The following MCC variants were observed in gnomAD, a reference collection of about 807,000 sequenced individuals.
The protein encoded by MCC is MCC regulator of Wnt signaling pathway, also known as colorectal mutant cancer protein.
A neutral mutation model predicts 116.2 loss-of-function variants in MCC; 90 were observed. That is an observed-to-expected ratio of 0.77 (90% confidence interval 0.65 to 0.92). The LOEUF (loss-of-function observed/expected upper bound fraction) is 0.92, where lower values mean the gene tolerates loss of function less well. Ranked by LOEUF, MCC falls within the 40% of genes least tolerant of loss-of-function variation. MCC has a pLI of 0.00. For synonymous variants in MCC, 578 were observed against 510.5 expected (o/e 1.13, Z -1.78); for missense variants, 1,516 against 1,312.2 (o/e 1.16, Z -2.40).
At chr5:113,442,036 T>C (rs2150415959) in intron 1 of MCC, among the ~76,000 whole-genome samples, 1 of 152,344 alleles carries the variant, frequency 6.6e-6, no homozygotes, top group East Asian at 1.9e-4. Context: ...CAAATGGTAT[T>C]TCTAGTTCTA....
At chr5:113,319,331 A>G (rs1254201502) in intron 3 of MCC, among the ~76,000 whole-genome samples, 1 of 152,212 alleles carries the variant, frequency 6.6e-6, no homozygotes, top group African/African-American at 2.4e-5. Context: ...GCAGAGAGGT[A>G]TTAGTGAACT....
At chr5:113,486,952 C>A (rs1561597390) in intron 1 of MCC, among the ~76,000 whole-genome samples, 1 of 151,954 alleles carries the variant, frequency 6.6e-6, no homozygotes, top group African/African-American at 2.4e-5. Context: ...AATGAAATTT[C>A]TTTTACTCCC....
At chr5:113,356,926 C>A (rs1768428579) in intron 2 of MCC, among the ~76,000 whole-genome samples, 1 of 152,164 alleles carries the variant, frequency 6.6e-6, no homozygotes, top group South Asian at 2.1e-4. Context: ...CTATGAATTG[C>A]CACAACATTT....
chr5:113,282,891 C>T (rs571598446), intron 3 of MCC, among the ~76,000 whole-genome samples: 2 of 152,330 alleles, frequency 1.3e-5, no homozygotes, highest in East Asian at 3.9e-4. Flanking sequence ...ACAAGCCCCT[C>T]TTGCTAAAGC....
intron 11 of MCC, among the ~76,000 whole-genome samples, chr5:113,077,007 C>A (rs894727573): frequency 6.6e-6 from 1 of 152,088 alleles, no homozygotes; most frequent in East Asian, 1.9e-4. Context: ...GGTTGCAATC[C>A]TAGTCTCTGA....
chr5:113,454,852 G>A (rs572533952), intron 1 of MCC, among the ~76,000 whole-genome samples: 2 of 152,142 alleles, frequency 1.3e-5, no homozygotes, highest in African/African-American at 4.8e-5. Flanking sequence ...ATCTGGGAGA[G>A]GAAATACTAC....
chr5:113,164,537 C>T (rs1228453469), intron 3 of MCC, among the ~76,000 whole-genome samples: 1 of 152,178 alleles, frequency 6.6e-6, no homozygotes, highest in Non-Finnish European at 1.5e-5. Flanking sequence ...CACAGTACTC[C>T]AGATGAATTC....
chr5:113,214,034 G>C (rs544443283), intron 3 of MCC, among the ~76,000 whole-genome samples: 6 of 152,164 alleles, frequency 3.9e-5, no homozygotes, highest in East Asian at 3.9e-4. Context: ...GATGTTTTTT[G>C]CAATAGTATT....
At chr5:113,041,692 A>G (rs1751714544) in intron 17 of MCC, among the ~76,000 whole-genome samples, 1 of 152,188 alleles carries the variant, frequency 6.6e-6, no homozygotes, top group African/African-American at 2.4e-5. Context: ...AATAAGTAGA[A>G]GCAGGACTCT....
chr5:113,344,208 C>T (rs1768079740), intron 2 of MCC, among the ~76,000 whole-genome samples: 1 of 152,204 alleles, frequency 6.6e-6, no homozygotes, highest in Non-Finnish European at 1.5e-5. Flanking sequence ...AGACCTCAGT[C>T]ATTGCCCACC....
Position 113,349,741 on chromosome 5 carries a change from G to T in MCC, c.416-9011C>A, listed in dbSNP as rs556224837. ...TATAAAGGGCATCCAAACTGGAAAA[G>T]AAGTCAAATTATCCTAGTTTACATA... is the stretch of plus-strand genomic sequence containing the variant. On this transcript the variant is annotated intron_variant, in intron 2 of 18. Transcript: ENST00000408903. Among the ~76,000 whole-genome samples, 3 of 152,078 alleles carry T rather than the reference G, an allele frequency of 2.0e-5. No individual in the cohort carries two copies. In the South Asian group the frequency reaches 6.2e-4, roughly 32 times the overall value.
chr5:113,122,963 C>A, intron 5 of MCC, 137 bp from the exon 6 acceptor site: 1 of 870,672 alleles, frequency 1.1e-6, no homozygotes, highest in South Asian at 1.7e-5. Flanking sequence ...ACCAGGATTT[C>A]TCCCAGGCGA....
At chr5:113,107,559 G>A (rs932395791) in intron 6 of MCC, among the ~76,000 whole-genome samples, 3 of 152,142 alleles carry the variant, frequency 2.0e-5, no homozygotes, top group African/African-American at 7.2e-5. Flanking sequence ...CCAACTGGAG[G>A]CAAAGGACCC....
At chr5:113,326,415 A>C (rs773352028) in intron 3 of MCC, among the ~76,000 whole-genome samples, 1 of 152,178 alleles carries the variant, frequency 6.6e-6, no homozygotes, top group East Asian at 1.9e-4. Flanking sequence ...AGGTGCCAAG[A>C]TCTTCCAGAT....
chr5:113,184,481 T>TG, intron 3 of MCC, among the ~76,000 whole-genome samples: 3 of 26,968 alleles, frequency 1.1e-4, no homozygotes, highest in African/African-American at 8.5e-5. Context: ...CGTTTTTTGT[T>TG]TTTTTTTTTT....
At chr5:113,056,521 G>A (rs1420624518) in intron 14 of MCC, among the ~76,000 whole-genome samples, 1 of 152,206 alleles carries the variant, frequency 6.6e-6, no homozygotes, top group Non-Finnish European at 1.5e-5. Flanking sequence ...GGAGCTAAAT[G>A]ATGAGAACAC....
chr5:113,474,727 C>T (rs972608787), intron 1 of MCC, among the ~76,000 whole-genome samples: 2 of 151,870 alleles, frequency 1.3e-5, no homozygotes, highest in Non-Finnish European at 2.9e-5. Context: ...CTTAGGAAAC[C>T]AAAAAGGGAG....
chr5:113,156,554 C>A (rs1042651393), intron 3 of MCC, among the ~76,000 whole-genome samples: 1 of 152,206 alleles, frequency 6.6e-6, no homozygotes, highest in African/African-American at 2.4e-5. Context: ...CCAATAGCTG[C>A]GTTGCCAGAT....
At chr5:113,276,806 T>C (rs1384224879) in intron 3 of MCC, among the ~76,000 whole-genome samples, 4 of 73,712 alleles carry the variant, frequency 5.4e-5, no homozygotes, top group African/African-American at 1.7e-4. Context: ...TTTCTTCTTA[T>C]TTTTTTTTTT....
Sources: allele counts gnomAD v4.1 joint callset (sites outside exome capture counted in the v4.1 genomes callset), GRCh38; gene constraint gnomAD v4.1.1; transcripts MANE v1.5; gene names NCBI Gene and HGNC (gene_info 2026-07-23, HGNC 2026-07-21).